Variants in ZNF44 observed in about 807,000 individuals in gnomAD.
ZNF44 encodes the protein gonadotropin inducible transcription repressor-2.
A neutral mutation model predicts 11.7 loss-of-function variants in ZNF44; 9 were observed. The observed-to-expected ratio is 0.77, with a 90% CI of 0.46 to 1.35. ZNF44 has a LOEUF of 1.35. ZNF44 is among the 40% of genes most tolerant of loss of function. The probability of loss-of-function intolerance (pLI) is 0.00; values close to 1 mark genes in which losing one functional copy is unlikely to be tolerated. For missense variants in ZNF44, 696 were observed against 743.1 expected, an observed-to-expected ratio of 0.94 and a Z score of 0.74; for synonymous variants, 224 against 242.7, an observed-to-expected ratio of 0.92 and a Z score of 0.72.
intron 5 of ZNF44, chr19:12,266,189 GC>G: frequency 1.1e-6 from 1 of 925,312 alleles, no homozygotes; most frequent in Non-Finnish European, 1.3e-6. Context: ...CCCCGGAGTC[GC>G]CCGCAGGGAG....
chr19:12,231,594 G>A (rs1170425592), intron 2 of ZNF44, among the ~76,000 whole-genome samples: 1 of 152,190 alleles, frequency 6.6e-6, no homozygotes, highest in Non-Finnish European at 1.5e-5. Flanking sequence ...ATGGGGAAAT[G>A]GAGGTGAAAG....
rs140940065 is a variant in ZNF44, at chr19:12,255,091, AACACACACAC to A, written c.1913-4733_1913-4724del. Among the ~76,000 whole-genome samples, 278 of 145,736 alleles carry A rather than the reference AACACACACAC, an allele frequency of 1.9e-3. 2 individuals are homozygous for A. In the East Asian group the frequency reaches 0.029, roughly 15 times the overall value. ...GTGACAGAGTGAGACTCCGTCTCAA[AACACACACAC>A]ACACACACACACACACACACACACA... On this transcript the variant is annotated intron_variant and NMD_transcript_variant, in intron 5 of 7. Transcript: ENST00000393337.
At position 12,257,138 on chromosome 19, in the gene ZNF44, C is replaced by G. The variant is rs140928240; in HGVS notation, c.1913-6770G>C. On this transcript the variant is annotated intron_variant and NMD_transcript_variant, in intron 5 of 7. Coordinates refer to the ZNF44 transcript ENST00000393337. ...GAATAGAAACCAGATAAAGGTGGAC[C>G]ACATCCCTTCAAAGGTGAAGGTAAA... Among the ~76,000 whole-genome samples the G allele has an allele frequency of 7.6e-3, 1,152 of 152,252 alleles. 17 individuals carry two copies. Among genetic ancestry groups the G allele is most frequent in the African/African-American group, 0.026 (1,081 of 41,550 alleles).
chr19:12,261,470 T>C (rs557017916), intron 5 of ZNF44, among the ~76,000 whole-genome samples: 13 of 152,182 alleles, frequency 8.5e-5, no homozygotes, highest in African/African-American at 1.9e-4. Context: ...CCCATCTCTA[T>C]ATAAAAAATG....
In ZNF44 at chr19:12,234,217, A is replaced by G. The variant is rs1271273348; in HGVS notation, n.380+450T>C. On this transcript the variant is annotated intron_variant and non_coding_transcript_variant, in intron 2 of 3. Transcript: ENST00000597563. ...GATTACTCTGCAACAAGGCTCCCCC[A>G]TAGCTATTATAAAAATAATAACATC... is the stretch of plus-strand genomic sequence containing the variant. 2.0e-5 allele frequency among the ~76,000 whole-genome samples: 3 copies of G among 152,332 alleles called. No homozygotes were observed. The South Asian group carries it at 6.2e-4, about 32-fold the overall frequency.
At chr19:12,250,737 AACATGGATAAT>A in intron 5 of ZNF44, 1 of 456,290 alleles carries the variant, frequency 2.2e-6, no homozygotes, top group Non-Finnish European at 4.4e-6. Context: ...CACAGGGTCA[AACATGGATAAT>A]ACGTGGATGA....
At chr19:12,263,628 A>AAACAAAT (rs898530839) in intron 5 of ZNF44, among the ~76,000 whole-genome samples, 1 of 151,952 alleles carries the variant, frequency 6.6e-6, no homozygotes, top group African/African-American at 2.4e-5. Flanking sequence ...AAAAAACAAA[A>AAACAAAT]AAACAAAAAA....
intron 5 of ZNF44, among the ~76,000 whole-genome samples, chr19:12,263,393 C>T (rs956502934): frequency 2.6e-5 from 4 of 151,938 alleles, no homozygotes; most frequent in Admixed American, 2.6e-4. Flanking sequence ...GCTTCAAATT[C>T]ATCAATCTTA....
chr19:12,232,109 T>C (rs943394271), intron 2 of ZNF44, among the ~76,000 whole-genome samples: 1 of 152,214 alleles, frequency 6.6e-6, no homozygotes, highest in African/African-American at 2.4e-5. Flanking sequence ...CTTTGCATCA[T>C]AGTAAAGAAT....
chr19:12,294,656 C>T (rs1287060032), intron 1 of ZNF44, 36 bp downstream of exon 1: 1 of 1,553,970 alleles, frequency 6.4e-7, no homozygotes, highest in East Asian at 2.5e-5. Context: ...ACCAGCCCTT[C>T]GCCCTGCCTC....
chr19:12,288,392 A>G (rs1291366628), intron 1 of ZNF44, among the ~76,000 whole-genome samples: 2 of 152,146 alleles, frequency 1.3e-5, no homozygotes, highest in Non-Finnish European at 2.9e-5. Flanking sequence ...CACTGAATAC[A>G]AAACCAAGCA....
At chr19:12,290,734 A>G (rs1967976280) in intron 1 of ZNF44, among the ~76,000 whole-genome samples, 1 of 151,948 alleles carries the variant, frequency 6.6e-6, no homozygotes, top group African/African-American at 2.4e-5. Flanking sequence ...AAAAATAAAA[A>G]TAAATTTTAA....
At chr19:12,241,255 G>T (rs1192149113), upstream of ZNF44, among the ~76,000 whole-genome samples, 1 of 152,176 alleles carries the variant, frequency 6.6e-6, no homozygotes, top group African/African-American at 2.4e-5. Context: ...ATATAACCAG[G>T]GTTGGTGAGC....
rs549729795 is a variant in ZNF44, at chr19:12,272,178, G to A, written c.*229C>T. 18 of 504,550 alleles carry A rather than the reference G, an allele frequency of 3.6e-5. No individual in the cohort carries two copies. Among genetic ancestry groups the A allele is most frequent in the African/African-American group, 2.1e-4 (10 of 48,582 alleles). 31.3% of individuals were successfully genotyped at this position (504,550 alleles called of 1,614,324 possible). Reference sequence around the variant, plus strand: ...TGCCTGGCTATTTTTTTTTTTTTCCGTATTTTTAGTAGAGACAGGGTTTCC... The same window carrying A: ...TGCCTGGCTATTTTTTTTTTTTTCCATATTTTTAGTAGAGACAGGGTTTCC... On this transcript the variant is annotated 3_prime_UTR_variant, in exon 4 of 4. Transcript: ENST00000355684.
chr19:12,250,016 G>T, exon 7 of ZNF44: 1 of 1,284,908 alleles, frequency 7.8e-7, no homozygotes, highest in Non-Finnish European at 1.0e-6. Context: ...GCTCTTCAAT[G>T]TTCCATTCTT....
chr19:12,284,735 C>T lies in ZNF44; in HGVS notation c.4-8653G>A, dbSNP rs138427810. On this transcript the variant is annotated intron_variant, in intron 1 of 3. Transcript: ENST00000355684. The stretch of plus-strand genomic sequence containing the variant: ...ATGTCCGTCTGGGAGTTAAGTGCTC[C>T]AAGGAGGCAGCCACTGCCATCCGCG... 387 of 759,354 alleles carry T rather than the reference C, an allele frequency of 5.1e-4. No homozygotes were observed. In the African/African-American group the frequency reaches 5.6e-3, roughly 11 times the overall value. The allele number at this position is 759,354 out of a possible 1,614,324, so 47.0% of individuals were successfully genotyped here.
exon 7 of ZNF44, chr19:12,250,025 T>C (rs1285478520): frequency 1.6e-6 from 2 of 1,283,932 alleles, no homozygotes; most frequent in Non-Finnish European, 2.0e-6. Context: ...TGTTCCATTC[T>C]TTTTGTTTTG....
At chr19:12,251,838 G>A (rs1004731396) in intron 5 of ZNF44, among the ~76,000 whole-genome samples, 6 of 152,062 alleles carry the variant, frequency 3.9e-5, no homozygotes, top group Admixed American at 6.6e-5. Flanking sequence ...GATCACCTGA[G>A]GTCGGGAGTT....
chr19:12,282,578 T>A (rs1182875746), intron 1 of ZNF44, among the ~76,000 whole-genome samples: 6 of 152,038 alleles, frequency 3.9e-5, no homozygotes, highest in Admixed American at 3.3e-4. Context: ...TCCGCTACCA[T>A]GCCCGGCTAA....
Sources: allele counts gnomAD v4.1 joint callset (sites outside exome capture counted in the v4.1 genomes callset), GRCh38; gene constraint gnomAD v4.1.1; transcripts MANE v1.5; gene names NCBI Gene and HGNC (gene_info 2026-07-23, HGNC 2026-07-21).